The following TRIM49 variants were observed in gnomAD, a reference collection of about 807,000 sequenced individuals.
The protein encoded by TRIM49 is tripartite motif-containing protein 49.
A neutral mutation model predicts 27.4 loss-of-function variants in TRIM49; 5 were observed. That is an observed-to-expected ratio of 0.18 (90% CI 0.10 to 0.38). The LOEUF (loss-of-function observed/expected upper bound fraction) is 0.38. Ranked by LOEUF, TRIM49 falls within the 10% of genes least tolerant of loss-of-function variation. TRIM49 has a pLI of 1.00. For synonymous variants in TRIM49, 69 were observed against 166.0 expected (o/e 0.42, Z 4.49); for missense variants, 188 against 487.5 (o/e 0.39, Z 5.79).
chr11:89,795,737 TG>T (rs2134628847), downstream of TRIM49, among the ~76,000 whole-genome samples: 1 of 100,218 alleles, frequency 1.0e-5, no homozygotes, highest in African/African-American at 3.8e-5. Context: ...GGGCCTGTTA[TG>T]GGGTGGGGGG....
rs1949803432 is a variant in TRIM49 at position 89,808,500 on chromosome 11, C to A, written c.-254G>T. Reference sequence around the variant, plus strand: ...GGTACAGTCCATCAGGAAAAGAAATCCCCCGCTGGCTGGATCCCAGTGGTC... The same window carrying A: ...GGTACAGTCCATCAGGAAAAGAAATACCCCGCTGGCTGGATCCCAGTGGTC... On this transcript the variant is annotated 5_prime_UTR_variant, in exon 1 of 8. Transcript: ENST00000329758. 1 of 150,874 alleles carries A rather than the reference C, an allele frequency of 6.6e-6. No individual in the cohort carries two copies. Among genetic ancestry groups the A allele is most frequent in the Non-Finnish European group, 1.5e-5 (1 of 67,958 alleles). The allele number at this position is 150,874 out of a possible 1,614,324, so 9.3% of individuals were successfully genotyped here.
At chr11:89,769,603 GAGAT>G in the TRIM49 span, among the ~76,000 whole-genome samples, 1 of 128,356 alleles carries the variant, frequency 7.8e-6, no homozygotes, top group African/African-American at 3.9e-5. Flanking sequence ...AGCTGGATGA[GAGAT>G]AGAGCAAAGG....
Position 89,804,465 on chromosome 11 carries a change from T to C in TRIM49, c.5A>G (p.Asn2Ser). The C allele has an allele frequency of 6.3e-7, 1 of 1,590,708 alleles. No homozygotes were observed. The highest frequency in any genetic ancestry group is 8.5e-7 in the Non-Finnish European group (1 of 1,173,730). M[N>S]SGILQVFQGE... Reference sequence around the variant, plus strand: ...CTGAAAGACCTGTAAGATTCCAGAATTCATGTTTCTGAGGAACAAAGAGAA... The same window carrying C: ...CTGAAAGACCTGTAAGATTCCAGAACTCATGTTTCTGAGGAACAAAGAGAA... The change falls in exon 3 of 8, where the codon AAT becomes AGT. Residue 2 changes from asparagine (N) to serine (S), a missense_variant. Asn to Ser is a conservative substitution (Grantham distance 46). Coordinates refer to ENST00000329758, the MANE Select transcript of TRIM49 (RefSeq NM_020358.2).
At position 89,807,098 on chromosome 11, in the gene TRIM49, C is replaced by A. The variant is rs990969455; in HGVS notation, c.-5+1G>T. 1 of 152,274 alleles carries A rather than the reference C, an allele frequency of 6.6e-6. No homozygotes were observed. The highest frequency in any genetic ancestry group is 1.5e-5 in the Non-Finnish European group (1 of 67,928). The allele number at this position is 152,274 out of a possible 1,614,324, so 9.4% of individuals were successfully genotyped here. A position where few individuals can be genotyped will look rare whatever the true frequency, so the allele number is the denominator to read the frequency against. On this transcript the variant is annotated splice_donor_variant, in intron 2 of 7. Coordinates refer to ENST00000329758, the MANE Select transcript of TRIM49 (RefSeq NM_020358.2). LOFTEE classifies it low-confidence loss of function (5UTR_SPLICE). ...TAATTTTATCAATATGTTTCACTCA[C>A]CCTGGAGTTCTTTTAATGGTTCCCA...
At position 89,807,257 on chromosome 11, in the gene TRIM49, T is replaced by C. The variant is rs1417632847; in HGVS notation, c.-163A>G. On this transcript the variant is annotated 5_prime_UTR_variant, in exon 2 of 8. Coordinates refer to ENST00000329758, the MANE Select transcript of TRIM49 (RefSeq NM_020358.2). ...CTTCTCCTTCAGAGAAAACTGAGCT[T>C]GTCTCTTCCGTGTCCTTTTATAAGA... 1 of 152,138 alleles carries C rather than the reference T, an allele frequency of 6.6e-6. No individual in the cohort carries two copies. The highest frequency in any genetic ancestry group is 1.5e-5 in the Non-Finnish European group (1 of 67,852). 9.4% of individuals were successfully genotyped at this position (152,138 alleles called of 1,614,324 possible).
chr11:89,775,223 C>CA, the TRIM49 span, among the ~76,000 whole-genome samples: 1 of 108,226 alleles, frequency 9.2e-6, no homozygotes, highest in Non-Finnish European at 1.7e-5. Flanking sequence ...ACTAAAAATA[C>CA]AAAAAAATCA....
the TRIM49 span, among the ~76,000 whole-genome samples, chr11:89,791,808 A>G: frequency 6.6e-6 from 1 of 152,110 alleles, no homozygotes; most frequent in African/African-American, 2.4e-5. Context: ...TGTAAAGACC[A>G]TCGATGCTAG....
intron 6 of TRIM49, 154 bp from the exon 7 acceptor site, chr11:89,799,967 G>A (rs952219892): frequency 1.3e-5 from 8 of 605,546 alleles, no homozygotes; most frequent in Non-Finnish European, 2.3e-5. Context: ...ATTCTTTACA[G>A]TTTCTAAATT....
chr11:89,797,153 G>C (rs1949696654), downstream of TRIM49, among the ~76,000 whole-genome samples: 1 of 151,030 alleles, frequency 6.6e-6, no homozygotes, highest in African/African-American at 2.4e-5. Context: ...TTTTATATTT[G>C]GCTAGTTATT....
chr11:89,794,644 T>C (rs1358744852), downstream of TRIM49, among the ~76,000 whole-genome samples: 3 of 146,720 alleles, frequency 2.0e-5, no homozygotes, highest in Non-Finnish European at 3.0e-5. Context: ...GGGAAAGGAT[T>C]CCCTATTTAA....
At chr11:89,792,566 A>C in the TRIM49 span, among the ~76,000 whole-genome samples, 2 of 152,180 alleles carry the variant, frequency 1.3e-5, 1 homozygote, top group Non-Finnish European at 2.9e-5. Flanking sequence ...AGCGCAATCA[A>C]ACTAGAACTC....
downstream of TRIM49, among the ~76,000 whole-genome samples, chr11:89,793,594 A>C (rs1949669821): frequency 6.6e-6 from 1 of 151,552 alleles, no homozygotes; most frequent in Non-Finnish European, 1.5e-5. Context: ...CAAATCAATA[A>C]ATGTAATCCA....
At chr11:89,768,465 G>A in the TRIM49 span, among the ~76,000 whole-genome samples, 6 of 133,510 alleles carry the variant, frequency 4.5e-5, no homozygotes, top group Non-Finnish European at 9.1e-5. Context: ...CTAACCTACT[G>A]CCACTGAAAG....
At chr11:89,797,595 G>A (rs1291388562), downstream of TRIM49, 4 of 152,176 alleles carry the variant, frequency 2.6e-5, no homozygotes, top group Non-Finnish European at 4.4e-5. Flanking sequence ...TAATAATGAA[G>A]GATTATTTAT....
the TRIM49 span, among the ~76,000 whole-genome samples, chr11:89,770,528 A>G: frequency 7.0e-6 from 1 of 142,352 alleles, no homozygotes; most frequent in Admixed American, 6.7e-5. Flanking sequence ...CTGCCCAAAT[A>G]TATTCTATAC....
chr11:89,807,111 T>G lies in TRIM49; in HGVS notation c.-17A>C, dbSNP rs1385773122. ...ATGTTTCACTCACCCTGGAGTTCTT[T>G]TAATGGTTCCCACAACGATTTTTCC... On this transcript the variant is annotated 5_prime_UTR_variant, in exon 2 of 8. Coordinates refer to ENST00000329758, the MANE Select transcript of TRIM49 (RefSeq NM_020358.2). The G allele has an allele frequency of 5.2e-5, 8 of 152,446 alleles. No homozygotes were observed. Among genetic ancestry groups the G allele is most frequent in the Admixed American group, 3.9e-4 (6 of 15,260 alleles). The allele number at this position is 152,446 out of a possible 1,614,324, so 9.4% of individuals were successfully genotyped here. A position where few individuals can be genotyped will look rare whatever the true frequency, so the allele number is the denominator to read the frequency against.
chr11:89,776,894 G>T, the TRIM49 span: 1 of 1,435,032 alleles, frequency 7.0e-7, no homozygotes, highest in Non-Finnish European at 9.3e-7. Context: ...AAAGAAAATT[G>T]TCCACCGGCC....
At chr11:89,794,456 C>T (rs1640319253), downstream of TRIM49, among the ~76,000 whole-genome samples, 1 of 151,210 alleles carries the variant, frequency 6.6e-6, no homozygotes, top group South Asian at 2.1e-4. Flanking sequence ...AAGAACAAAG[C>T]TGGAGGCATC....
chr11:89,774,502 G>C, the TRIM49 span, among the ~76,000 whole-genome samples: 1 of 146,086 alleles, frequency 6.8e-6, no homozygotes, highest in Non-Finnish European at 1.5e-5. Flanking sequence ...CACTTTAAAA[G>C]GATGCTTGTC....
Sources: gnomAD v4.1 joint callset for allele counts (sites outside exome capture counted in the v4.1 genomes callset) on GRCh38, gnomAD v4.1.1 for gene constraint, MANE v1.5 for transcripts, NCBI Gene and HGNC (gene_info 2026-07-23, HGNC 2026-07-21) for gene names.